Variants in PPP4R2 observed in about 807,000 individuals in gnomAD.
PPP4R2 encodes the protein serine/threonine-protein phosphatase 4 regulatory subunit 2.
In PPP4R2, 13 loss-of-function variants were observed where a neutral mutation model predicts 47.2. That is an observed-to-expected ratio of 0.28 (90% CI 0.18 to 0.44). The LOEUF (loss-of-function observed/expected upper bound fraction) is 0.44, where lower values mean the gene tolerates loss of function less well. Among genes scored for constraint, PPP4R2 ranks in the 20% least tolerant of loss-of-function variants. The pLI, the probability that PPP4R2 is intolerant of heterozygous loss-of-function variation, is 1.00. For missense variants in PPP4R2, 421 were observed against 491.2 expected, an observed-to-expected ratio of 0.86 and a Z score of 1.35; for synonymous variants, 151 against 163.3, an observed-to-expected ratio of 0.92 and a Z score of 0.57.
At chr3:73,055,995 A>G (rs1702725271) in intron 3 of PPP4R2, among the ~76,000 whole-genome samples, 1 of 152,202 alleles carries the variant, frequency 6.6e-6, no homozygotes, top group Non-Finnish European at 1.5e-5. Context: ...TAGACTTTTC[A>G]TTGAGAATGA....
At chr3:73,058,850 TAGAA>T (rs1363810358) in intron 3 of PPP4R2, among the ~76,000 whole-genome samples, 183 bp from the exon 4 acceptor site, 4 of 147,856 alleles carry the variant, frequency 2.7e-5, no homozygotes, top group Non-Finnish European at 6.0e-5. Flanking sequence ...TTTTGTTAAA[TAGAA>T]AGGTATGCTT....
At chr3:73,010,407 A>G (rs1701698794) in intron 2 of PPP4R2, among the ~76,000 whole-genome samples, 1 of 152,034 alleles carries the variant, frequency 6.6e-6, no homozygotes, top group Non-Finnish European at 1.5e-5. Context: ...AAAAAGCTTT[A>G]TTGAGAGGCT....
At chr3:73,058,262 A>G (rs1432055649) in intron 3 of PPP4R2, among the ~76,000 whole-genome samples, 4 of 152,116 alleles carry the variant, frequency 2.6e-5, no homozygotes, top group East Asian at 1.9e-4. Context: ...TGAAATTGCA[A>G]TAATGGAGCA....
intron 5 of PPP4R2, chr3:73,063,338 A>AAAG (rs1553652015): frequency 0.27 from 46,792 of 172,330 alleles, 7,833 homozygotes; most frequent in Non-Finnish European, 0.32. Context: ...AAAAAAAAAA[A>AAAG]AAGTCCAGGT....
chr3:73,002,629 CTTTTCTTTT>C (rs1215335991), intron 2 of PPP4R2, among the ~76,000 whole-genome samples: 323 of 82,782 alleles, frequency 3.9e-3, no homozygotes, highest in Non-Finnish European at 5.9e-3. Flanking sequence ...CTTTTCTTTT[CTTTTCTTTT>C]TTTTTTTTTT....
intron 2 of PPP4R2, among the ~76,000 whole-genome samples, chr3:73,020,660 A>C (rs958941376): frequency 2.4e-5 from 3 of 124,198 alleles, no homozygotes; most frequent in Admixed American, 8.4e-5. Context: ...ACAGAGTGAG[A>C]CCCTGTCTCT....
intron 3 of PPP4R2, among the ~76,000 whole-genome samples, chr3:73,048,536 G>A (rs139424747): frequency 1.3e-5 from 2 of 152,368 alleles, no homozygotes; most frequent in East Asian, 3.9e-4. Context: ...TTACAGGCGT[G>A]AGCCCCCGCG....
At chr3:73,062,037 G>T (rs1214294268) in intron 5 of PPP4R2, 1 of 1,396,538 alleles carries the variant, frequency 7.2e-7, no homozygotes, top group Non-Finnish European at 9.6e-7. Flanking sequence ...GAGGTATTTT[G>T]GAAAAATGGT....
intron 2 of PPP4R2, among the ~76,000 whole-genome samples, chr3:73,040,681 T>C (rs1702360865): frequency 6.6e-6 from 1 of 152,006 alleles, no homozygotes; most frequent in African/African-American, 2.4e-5. Context: ...CCTGGCTAAT[T>C]TTTGTATTTT....
intron 3 of PPP4R2, among the ~76,000 whole-genome samples, chr3:73,054,021 A>G (rs187756135): frequency 2.6e-3 from 396 of 152,130 alleles, no homozygotes; most frequent in Non-Finnish European, 2.4e-3. Flanking sequence ...GGTTTAAACA[A>G]TTCTCCTGCC....
intron 2 of PPP4R2, among the ~76,000 whole-genome samples, chr3:73,002,588 T>C (rs1442578402): frequency 6.6e-6 from 1 of 150,466 alleles, no homozygotes; most frequent in Non-Finnish European, 1.5e-5. Flanking sequence ...GCAGTAAACA[T>C]GGGAGTGCAC....
intron 3 of PPP4R2, among the ~76,000 whole-genome samples, chr3:73,058,455 AT>A (rs1252127171): frequency 6.6e-6 from 1 of 151,658 alleles, no homozygotes; most frequent in Non-Finnish European, 1.5e-5. Context: ...TTATATAAAA[AT>A]TTTTTCCTCA....
chr3:73,026,710 T>A (rs555969021), intron 2 of PPP4R2, among the ~76,000 whole-genome samples: 81 of 134,352 alleles, frequency 6.0e-4, no homozygotes, highest in Middle Eastern at 3.8e-3. Context: ...GATTTTTTTT[T>A]AAAAAAAGCA....
At chr3:73,001,175 T>A (rs1171272772) in intron 2 of PPP4R2, among the ~76,000 whole-genome samples, 1 of 152,168 alleles carries the variant, frequency 6.6e-6, no homozygotes, top group Non-Finnish European at 1.5e-5. Flanking sequence ...TTATTATTAC[T>A]CAGCTACATA....
chr3:72,999,190 G>A (rs1350267670), intron 2 of PPP4R2, among the ~76,000 whole-genome samples: 1 of 152,094 alleles, frequency 6.6e-6, no homozygotes, highest in Non-Finnish European at 1.5e-5. Context: ...TTTTGAGAAC[G>A]TCAGTGTGAT....
At chr3:73,000,108 G>A (rs1302871033) in intron 2 of PPP4R2, among the ~76,000 whole-genome samples, 3 of 152,286 alleles carry the variant, frequency 2.0e-5, no homozygotes, top group African/African-American at 7.2e-5. Flanking sequence ...CATTTCCACC[G>A]GATGTGGTGG....
intron 2 of PPP4R2, among the ~76,000 whole-genome samples, chr3:73,028,194 TTGCAGTGAGCTGAG>T (rs148841834): frequency 0.13 from 19,258 of 148,022 alleles, 1,486 homozygotes; most frequent in East Asian, 0.36. Context: ...GAGGTGGAGG[TTGCAGTGAGCTGAG>T]ATCACACCAC....
chr3:73,047,695 G>A (rs1342623392), intron 3 of PPP4R2, among the ~76,000 whole-genome samples: 1 of 152,034 alleles, frequency 6.6e-6, no homozygotes, highest in African/African-American at 2.4e-5. Flanking sequence ...CTTTTAAAAC[G>A]AAATACTAAT....
intron 2 of PPP4R2, among the ~76,000 whole-genome samples, chr3:73,046,472 G>A (rs1275821155): frequency 6.6e-6 from 1 of 152,136 alleles, no homozygotes; most frequent in Non-Finnish European, 1.5e-5. Context: ...TATTCAGGCA[G>A]GTATCCTCAC....
Sources: gnomAD v4.1 joint callset for allele counts (sites outside exome capture counted in the v4.1 genomes callset) on GRCh38, gnomAD v4.1.1 for gene constraint, MANE v1.5 for transcripts, NCBI Gene and HGNC (gene_info 2026-07-23, HGNC 2026-07-21) for gene names.